The following CNTN3 variants were observed in gnomAD, a reference collection of about 807,000 sequenced individuals.
The protein encoded by CNTN3 is contactin 3, also known as contactin-3.
A neutral mutation model predicts 119.1 loss-of-function variants in CNTN3; 60 were observed. That is an observed-to-expected ratio of 0.50 (90% CI 0.41 to 0.62). The LOEUF is 0.62. CNTN3 is among the 20% of genes least tolerant of loss of function. The pLI, the probability that CNTN3 is intolerant of heterozygous loss-of-function variation, is 0.00. For missense variants in CNTN3, 1,101 were observed against 1,242.4 expected, an observed-to-expected ratio of 0.89 and a Z score of 1.71; for synonymous variants, 450 against 438.7, an observed-to-expected ratio of 1.03 and a Z score of -0.32.
At chr3:74,391,238 T>C (rs1371353532) in intron 5 of CNTN3, among the ~76,000 whole-genome samples, 3 of 152,196 alleles carry the variant, frequency 2.0e-5, no homozygotes, top group Non-Finnish European at 4.4e-5. Context: ...TATGGAATAT[T>C]ATACTACCAT....
chr3:74,409,801 TC>T (rs1191008891), intron 5 of CNTN3, among the ~76,000 whole-genome samples: 1 of 152,206 alleles, frequency 6.6e-6, no homozygotes. Context: ...TATTGGAATA[TC>T]CATTCAATTT....
intron 4 of CNTN3, among the ~76,000 whole-genome samples, chr3:74,479,892 G>A: frequency 6.6e-6 from 1 of 151,948 alleles, no homozygotes; most frequent in East Asian, 1.9e-4. Flanking sequence ...CAAAAATTTG[G>A]CCAAAATTTT....
rs144343360 is a variant in CNTN3 at position 74,320,068 on chromosome 3, T to A, written c.1668+14667A>T. Reference sequence around the variant, plus strand: ...AATAGGAACACTTTGACACTGTTGGTGGGACTGTAACCTAGTTCAACCATT... The same window carrying A: ...AATAGGAACACTTTGACACTGTTGGAGGGACTGTAACCTAGTTCAACCATT... On this transcript the variant is annotated intron_variant, in intron 13 of 22. Coordinates refer to ENST00000263665, the MANE Select transcript of CNTN3 (RefSeq NM_020872.3). Among the ~76,000 whole-genome samples the A allele has an allele frequency of 6.9e-3, 1,044 of 152,278 alleles. 22 individuals carry two copies. The highest frequency in any genetic ancestry group is 0.043 in the East Asian group (222 of 5,160).
intron 5 of CNTN3, among the ~76,000 whole-genome samples, chr3:74,376,002 A>G (rs1027159024): frequency 5.3e-5 from 8 of 152,092 alleles, no homozygotes; most frequent in African/African-American, 1.9e-4. Context: ...AGGAGAGTCA[A>G]AGAAGGAGGT....
chr3:74,572,027 G>T (rs1388605091), intron 1 of CNTN3, among the ~76,000 whole-genome samples: 5 of 152,028 alleles, frequency 3.3e-5, no homozygotes, highest in Non-Finnish European at 7.4e-5. Context: ...CCAAGCCTTT[G>T]CAACTCTTCT....
At chr3:74,584,924 G>T (rs1016085539) in intron 1 of CNTN3, among the ~76,000 whole-genome samples, 4 of 152,054 alleles carry the variant, frequency 2.6e-5, no homozygotes, top group African/African-American at 9.7e-5. Flanking sequence ...AATATCCTCA[G>T]TAAATTGGCC....
chr3:74,380,447 C>A (rs936616225), intron 5 of CNTN3, among the ~76,000 whole-genome samples: 2 of 152,186 alleles, frequency 1.3e-5, no homozygotes, highest in Admixed American at 6.5e-5. Context: ...ATAACAATTT[C>A]TTTTTCAGTT....
chr3:74,556,297 G>GTTTCTT (rs2107168046), intron 1 of CNTN3, among the ~76,000 whole-genome samples: 1 of 152,092 alleles, frequency 6.6e-6, no homozygotes, highest in East Asian at 1.9e-4. Context: ...TCTGTAGCAG[G>GTTTCTT]CTCCCCTCTT....
At chr3:74,509,270 A>G (rs1366574576) in intron 2 of CNTN3, among the ~76,000 whole-genome samples, 1 of 151,614 alleles carries the variant, frequency 6.6e-6, no homozygotes, top group African/African-American at 2.4e-5. Context: ...ATTCTAAGTG[A>G]CTATTAAGCA....
intron 11 of CNTN3, among the ~76,000 whole-genome samples, chr3:74,358,960 A>C (rs1464559015): frequency 6.6e-6 from 1 of 151,818 alleles, no homozygotes; most frequent in Non-Finnish European, 1.5e-5. Context: ...TTATGGCTGC[A>C]TAGTATTCCA....
At chr3:74,415,251 T>C (rs1302219747) in intron 5 of CNTN3, among the ~76,000 whole-genome samples, 3 of 152,158 alleles carry the variant, frequency 2.0e-5, no homozygotes, top group Non-Finnish European at 4.4e-5. Flanking sequence ...TGTGAAGCCA[T>C]GCTGCTGTGA....
chr3:74,352,641 A>G (rs1703844546), intron 11 of CNTN3, among the ~76,000 whole-genome samples: 1 of 152,210 alleles, frequency 6.6e-6, no homozygotes, highest in African/African-American at 2.4e-5. Context: ...AGAGCCGGAC[A>G]TAATACCCAG....
chr3:74,291,021 G>A (rs931690864), intron 19 of CNTN3, among the ~76,000 whole-genome samples: 3 of 151,800 alleles, frequency 2.0e-5, no homozygotes, highest in Non-Finnish European at 4.4e-5. Flanking sequence ...TTTACATTAG[G>A]TATATCTCCA....
chr3:74,450,886 G>T (rs1268978481), intron 4 of CNTN3, among the ~76,000 whole-genome samples: 3 of 151,902 alleles, frequency 2.0e-5, no homozygotes, highest in Non-Finnish European at 4.4e-5. Flanking sequence ...TGTTATCTGT[G>T]CCATATTTTC....
intron 20 of CNTN3, among the ~76,000 whole-genome samples, chr3:74,273,773 A>C (rs1273700427): frequency 6.6e-6 from 1 of 152,196 alleles, no homozygotes; most frequent in East Asian, 1.9e-4. Flanking sequence ...CTCCAGCTGA[A>C]CTTTGTAACT....
At chr3:74,504,293 T>G (rs1313371036) in intron 2 of CNTN3, among the ~76,000 whole-genome samples, 1 of 152,124 alleles carries the variant, frequency 6.6e-6, no homozygotes, top group Non-Finnish European at 1.5e-5. Flanking sequence ...AGACAGAATG[T>G]AAGAGGACAT....
intron 5 of CNTN3, among the ~76,000 whole-genome samples, chr3:74,420,334 T>G (rs7648059): frequency 0.62 from 94,789 of 151,768 alleles, 31,098 homozygotes; most frequent in East Asian, 0.81. Flanking sequence ...TTACATTGAT[T>G]AATTAAGGAA....
chr3:74,514,946 T>C (rs1277561112), intron 2 of CNTN3, among the ~76,000 whole-genome samples: 1 of 152,038 alleles, frequency 6.6e-6, no homozygotes, highest in Non-Finnish European at 1.5e-5. Flanking sequence ...ATGCAACCAT[T>C]TTTCGAGTTA....
At chr3:74,469,389 T>C (rs1253507047) in intron 4 of CNTN3, among the ~76,000 whole-genome samples, 1 of 152,116 alleles carries the variant, frequency 6.6e-6, no homozygotes, top group Admixed American at 6.6e-5. Context: ...ACTCCAGAGA[T>C]TTAAAGAGAT....
Sources: allele counts gnomAD v4.1 joint callset (sites outside exome capture counted in the v4.1 genomes callset), GRCh38; gene constraint gnomAD v4.1.1; transcripts MANE v1.5; gene names NCBI Gene and HGNC (gene_info 2026-07-23, HGNC 2026-07-21).